The following CLEC16A variants were observed in gnomAD, a reference collection of about 807,000 sequenced individuals.
The protein encoded by CLEC16A is C-type lectin domain containing 16A, also known as protein CLEC16A.
Under a neutral mutation model 109.5 loss-of-function variants are expected in CLEC16A, and 51 were observed. That is an observed-to-expected ratio of 0.47 (90% CI 0.37 to 0.59). The LOEUF (loss-of-function observed/expected upper bound fraction) is 0.59. Among genes scored for constraint, CLEC16A ranks in the 20% least tolerant of loss-of-function variants. CLEC16A has a pLI of 0.00. For missense variants in CLEC16A, 1,339 were observed against 1,394.0 expected, an observed-to-expected ratio of 0.96 and a Z score of 0.63; for synonymous variants, 673 against 564.2, an observed-to-expected ratio of 1.19 and a Z score of -2.73.
chr16:11,002,162 A>C (rs972923060), intron 10 of CLEC16A, among the ~76,000 whole-genome samples: 7 of 152,156 alleles, frequency 4.6e-5, no homozygotes, highest in Admixed American at 3.9e-4. Context: ...TCTGTGCTTC[A>C]GTTTCTTCAC....
At chr16:11,099,892 G>A (rs887914663) in intron 19 of CLEC16A, among the ~76,000 whole-genome samples, 2 of 152,164 alleles carry the variant, frequency 1.3e-5, no homozygotes, top group Non-Finnish European at 2.9e-5. Context: ...AGCCTGTGCT[G>A]TGTTTAAGTG....
intron 10 of CLEC16A, among the ~76,000 whole-genome samples, chr16:11,002,486 C>T (rs1266322613): frequency 6.6e-6 from 1 of 152,142 alleles, no homozygotes; most frequent in Non-Finnish European, 1.5e-5. Flanking sequence ...AGATTAATTT[C>T]TCTTTATTAA....
In CLEC16A at chr16:11,178,344, T is replaced by A; in HGVS notation, c.2816T>A (p.Met939Lys). ...STAQSPADAP[M>K]SPELPKPHLP... ...TTCTCCCCCAATCCAGATGCCCCCA[T>A]GAGTCCAGAACTGCCTAAGCCTCAC... The change falls in exon 24 of 24, where the codon ATG becomes AAG. Residue 939 changes from methionine to lysine, a missense_variant. Around this residue, in one of 3 missense-constraint regions of CLEC16A, gnomAD observed 1,061 missense variants for 1,006.8 expected, o/e 1.05. Coordinates refer to ENST00000409790, the MANE Select transcript of CLEC16A (RefSeq NM_015226.3). This position sits in a 1 kb window ranked among gnomAD's most constrained non-coding sequence, Gnocchi z 6.5. 1 of 1,605,108 alleles carries A rather than the reference T, an allele frequency of 6.2e-7. No individual in the cohort carries two copies.
At chr16:11,010,806 C>A (rs895183448) in intron 11 of CLEC16A, among the ~76,000 whole-genome samples, 3 of 152,216 alleles carry the variant, frequency 2.0e-5, no homozygotes, top group African/African-American at 7.2e-5. Flanking sequence ...TCCTTTACTC[C>A]GGAACATTTC....
chr16:10,985,315 A>C (rs2043577087), intron 10 of CLEC16A, among the ~76,000 whole-genome samples: 1 of 151,934 alleles, frequency 6.6e-6, no homozygotes, highest in South Asian at 2.1e-4. Context: ...TTTAAAAGAA[A>C]ATTTTCTGAA....
In CLEC16A at chr16:11,174,199, A is replaced by G; in HGVS notation, c.2807-4136A>G. 2.1e-6 allele frequency: 1 copy of G among 469,652 alleles called. No homozygotes were observed. Among genetic ancestry groups the G allele is most frequent in the South Asian group, 1.5e-5 (1 of 64,548 alleles). The allele number at this position is 469,652 out of a possible 1,614,324, so 29.1% of individuals were successfully genotyped here. On this transcript the variant is annotated intron_variant, in intron 23 of 23. Coordinates refer to ENST00000409790, the MANE Select transcript of CLEC16A (RefSeq NM_015226.3). The surrounding 1 kb of genome is among the most constrained non-coding windows in gnomAD (Gnocchi z 4.7). Reference sequence around the variant, plus strand: ...CGCCGACGAGTGTTCAGCCTGTCGGAGGCCGACAGTCATGGCGGCCACTGG... The same window carrying G: ...CGCCGACGAGTGTTCAGCCTGTCGGGGGCCGACAGTCATGGCGGCCACTGG...
chr16:11,160,995 G>A (rs996262413), intron 22 of CLEC16A, among the ~76,000 whole-genome samples: 9 of 152,174 alleles, frequency 5.9e-5, no homozygotes, highest in African/African-American at 1.9e-4. Context: ...ACTTGGCCAC[G>A]ACTAGCTTCT....
chr16:11,057,176 T>G (rs2048254323), intron 18 of CLEC16A: 1 of 154,788 alleles, frequency 6.5e-6, no homozygotes, highest in Non-Finnish European at 1.5e-5. Flanking sequence ...CGATGGGTTG[T>G]GCCCACATTA....
chr16:11,062,138 G>T (rs2048514959), intron 19 of CLEC16A, among the ~76,000 whole-genome samples: 1 of 109,870 alleles, frequency 9.1e-6, no homozygotes, highest in Non-Finnish European at 1.8e-5. Flanking sequence ...CAGCCTTGGA[G>T]CTGGGAGGGA....
At chr16:11,112,247 C>T (rs755380266) in intron 19 of CLEC16A, among the ~76,000 whole-genome samples, 9 of 152,180 alleles carry the variant, frequency 5.9e-5, no homozygotes, top group Non-Finnish European at 1.2e-4. Flanking sequence ...GTGGTTGCCT[C>T]TGCAGAGGGG....
intron 19 of CLEC16A, among the ~76,000 whole-genome samples, chr16:11,095,520 C>T (rs1203242243): frequency 1.3e-5 from 2 of 152,148 alleles, no homozygotes; most frequent in African/African-American, 4.8e-5. Flanking sequence ...TTGAGTAAGA[C>T]AGGAGCTACA....
intron 19 of CLEC16A, among the ~76,000 whole-genome samples, chr16:11,061,844 CTG>C (rs1335874892): frequency 6.6e-6 from 1 of 152,188 alleles, no homozygotes; most frequent in Non-Finnish European, 1.5e-5. Context: ...TGCTCAGACA[CTG>C]TCATCAGGAA....
At chr16:10,993,960 C>T (rs190661559) in intron 10 of CLEC16A, among the ~76,000 whole-genome samples, 26 of 152,308 alleles carry the variant, frequency 1.7e-4, no homozygotes, top group Middle Eastern at 6.8e-3. Context: ...CTTAGTGACA[C>T]GCCAGAGGTC....
intron 10 of CLEC16A, among the ~76,000 whole-genome samples, chr16:10,995,532 T>G (rs9935445): frequency 1.3e-5 from 2 of 152,022 alleles, no homozygotes; most frequent in Non-Finnish European, 2.9e-5. Flanking sequence ...ATGACTGTTC[T>G]TTAAAAGCCC....
chr16:11,008,846 A>C (rs919598875), intron 11 of CLEC16A, among the ~76,000 whole-genome samples: 3 of 150,720 alleles, frequency 2.0e-5, no homozygotes, highest in Non-Finnish European at 3.0e-5. Context: ...AAAAAAAAAA[A>C]AAACTAGCCA....
intron 19 of CLEC16A, among the ~76,000 whole-genome samples, chr16:11,087,184 A>G (rs112018460): frequency 2.1e-3 from 325 of 152,322 alleles, no homozygotes; most frequent in African/African-American, 7.3e-3. Flanking sequence ...GGTGCCATCT[A>G]AAACCATCTT....
At chr16:11,128,432 G>T (rs910387114) in intron 22 of CLEC16A, among the ~76,000 whole-genome samples, 1 of 152,242 alleles carries the variant, frequency 6.6e-6, no homozygotes, top group African/African-American at 2.4e-5. Flanking sequence ...TGGTCCCAGG[G>T]TCAGCAAGTG....
chr16:11,119,694 G>T (rs941719592), intron 19 of CLEC16A, among the ~76,000 whole-genome samples: 2 of 152,124 alleles, frequency 1.3e-5, no homozygotes, highest in African/African-American at 4.8e-5. Context: ...ACCTGGCCTA[G>T]CTTTGCTCTT....
intron 8 of CLEC16A, among the ~76,000 whole-genome samples, chr16:10,977,900 G>C (rs1008495548): frequency 2.0e-5 from 3 of 152,126 alleles, no homozygotes; most frequent in African/African-American, 7.2e-5. Flanking sequence ...GAGTGTGTGT[G>C]TGTGAGAAGA....
Sources: allele counts gnomAD v4.1 joint callset (sites outside exome capture counted in the v4.1 genomes callset), GRCh38; gene constraint gnomAD v4.1.1; regional missense constraint gnomAD v4.1.1; non-coding constraint Gnocchi (gnomAD v3.1); transcripts MANE v1.5; gene names NCBI Gene and HGNC (gene_info 2026-07-23, HGNC 2026-07-21).